TOX3: variants seen among roughly 807,000 people sequenced by gnomAD.
The protein encoded by TOX3 is CAG trinucleotide repeat-containing gene F9 protein.
Under a neutral mutation model 64.3 loss-of-function variants are expected in TOX3, and 22 were observed. The observed-to-expected ratio is 0.34, with a 90% CI of 0.24 to 0.49. TOX3 has a LOEUF of 0.49. Among genes scored for constraint, TOX3 ranks in the 20% least tolerant of loss-of-function variants. The pLI is 0.99. For missense variants in TOX3, 661 were observed against 714.4 expected (o/e 0.93, Z 0.85); for synonymous variants, 291 against 273.6 (o/e 1.06, Z -0.63).
chr16:52,535,764 TC>T (rs1410287925), intron 1 of TOX3, among the ~76,000 whole-genome samples: 1 of 152,182 alleles, frequency 6.6e-6, no homozygotes, highest in Non-Finnish European at 1.5e-5. Flanking sequence ...TTCCCTCAAC[TC>T]CTGTTCTCTC....
chr16:52,490,306 G>T (rs548951019), intron 1 of TOX3, among the ~76,000 whole-genome samples: 231 of 152,180 alleles, frequency 1.5e-3, no homozygotes, highest in Non-Finnish European at 2.4e-3. Context: ...AGGCCTCCCA[G>T]TCATGCTTCC....
chr16:52,546,575 G>T lies in TOX3; in HGVS notation c.87+62C>A, dbSNP rs888833841. 3.4e-6 allele frequency: 5 copies of T among 1,473,584 alleles called. No homozygotes were observed. In the African/African-American group the frequency reaches 4.2e-5, roughly 12 times the overall value. 91.3% of individuals were successfully genotyped at this position (1,473,584 alleles called of 1,614,324 possible). A position where few individuals can be genotyped will look rare whatever the true frequency, so the allele number is the denominator to read the frequency against. On this transcript the variant is annotated intron_variant, in intron 1 of 6. Coordinates refer to ENST00000219746, the MANE Select transcript of TOX3 (RefSeq NM_001080430.4). ...TGCAGCAGGCGGTGAGCCCGAGCGC[G>T]GGGCGCGCCCAGGATGGGGAGGTGG...
At chr16:52,518,400 G>T (rs906516400) in intron 1 of TOX3, among the ~76,000 whole-genome samples, 2 of 152,130 alleles carry the variant, frequency 1.3e-5, no homozygotes, top group Non-Finnish European at 2.9e-5. Flanking sequence ...ACCCATGGGA[G>T]AAATAGATAT....
upstream of TOX3, chr16:52,547,465 G>C (rs1378736763): frequency 6.6e-6 from 1 of 152,102 alleles, no homozygotes; most frequent in African/African-American, 2.4e-5. Flanking sequence ...CCAGCCCTGC[G>C]TCCCGTGTGT....
In TOX3 at chr16:52,438,230, T is replaced by C. The variant is rs1339266314; in HGVS notation, c.*995A>G. 1 of 152,670 alleles carries C rather than the reference T, an allele frequency of 6.6e-6. No individual in the cohort carries two copies. Among genetic ancestry groups the C allele is most frequent in the Non-Finnish European group, 1.5e-5 (1 of 68,036 alleles). The allele number at this position is 152,670 out of a possible 1,614,324, so 9.5% of individuals were successfully genotyped here. On this transcript the variant is annotated 3_prime_UTR_variant, in exon 7 of 7. Coordinates refer to ENST00000219746, the MANE Select transcript of TOX3 (RefSeq NM_001080430.4). ...AAGCAACGTAGCAATGAATGGTTTA[T>C]GTCACCAGTGTTTACGTTAAAGCCT...
chr16:52,533,547 T>C (rs1351657698), intron 1 of TOX3, among the ~76,000 whole-genome samples: 1 of 152,166 alleles, frequency 6.6e-6, no homozygotes, highest in East Asian at 1.9e-4. Context: ...GCAAGCAAGG[T>C]CTCCAGTGAG....
chr16:52,474,313 T>A (rs1357649000), intron 1 of TOX3, among the ~76,000 whole-genome samples: 1 of 152,130 alleles, frequency 6.6e-6, no homozygotes, highest in Non-Finnish European at 1.5e-5. Context: ...AGCCATCCAT[T>A]TCCTCCTGGA....
At chr16:52,534,831 A>T (rs1228516888) in intron 1 of TOX3, among the ~76,000 whole-genome samples, 1 of 152,238 alleles carries the variant, frequency 6.6e-6, no homozygotes, top group African/African-American at 2.4e-5. Context: ...TTTGTTACCA[A>T]GAGTTGGGAC....
At chr16:52,443,505 C>T (rs149869765) in intron 6 of TOX3, among the ~76,000 whole-genome samples, 66 of 152,022 alleles carry the variant, frequency 4.3e-4, no homozygotes, top group African/African-American at 1.4e-3. Flanking sequence ...GCTTTGAGAC[C>T]CTAGGTTGTA....
intron 3 of TOX3, among the ~76,000 whole-genome samples, chr16:52,461,845 G>C: frequency 6.6e-6 from 1 of 152,118 alleles, no homozygotes; most frequent in East Asian, 1.9e-4. Flanking sequence ...TACCCGCAGA[G>C]AGATATAGAA....
At chr16:52,446,719 G>A (rs1296229266) in intron 4 of TOX3, among the ~76,000 whole-genome samples, 1 of 151,738 alleles carries the variant, frequency 6.6e-6, no homozygotes, top group South Asian at 2.1e-4. Flanking sequence ...TTACCAGAAT[G>A]TTACTTTGCT....
chr16:52,528,822 A>G (rs2151483068), intron 1 of TOX3, among the ~76,000 whole-genome samples: 1 of 152,328 alleles, frequency 6.6e-6, no homozygotes, highest in East Asian at 1.9e-4. Flanking sequence ...GGCTGGTTTT[A>G]TAAGAGGTTA....
intron 1 of TOX3, among the ~76,000 whole-genome samples, chr16:52,492,171 TA>T (rs1961704546): frequency 1.3e-5 from 2 of 149,656 alleles, no homozygotes; most frequent in African/African-American, 4.9e-5. Flanking sequence ...GGAAACTTTT[TA>T]ATAGTGCTGT....
At position 52,439,716 on chromosome 16, in the gene TOX3, G is replaced by A; in HGVS notation, c.1240C>T (p.Pro414Ser). Reference sequence around the variant, plus strand: ...GTCGTTCCCATGGAGCTTATCAGTGGAGCCCCAATGTTCGAGGGCATGTTG... The same window carrying A: ...GTCGTTCCCATGGAGCTTATCAGTGAAGCCCCAATGTTCGAGGGCATGTTG... Reference protein sequence around the residue: ...AANMPSNIGAPLISSMGTTMV... With the variant: ...AANMPSNIGASLISSMGTTMV... The change falls in exon 7 of 7, where the codon CCA (proline) becomes TCA (serine). Residue 414 changes from proline to serine, a missense_variant. Physicochemically the swap from Pro to Ser is moderately conservative, Grantham distance 74. Around this residue, in one of 3 missense-constraint regions of TOX3, gnomAD observed 299 missense variants for 292.1 expected, o/e 1.02. Coordinates refer to ENST00000219746, the MANE Select transcript of TOX3 (RefSeq NM_001080430.4). The A allele has an allele frequency of 6.2e-7, 1 of 1,614,028 alleles. No homozygotes were observed. Among genetic ancestry groups the A allele is most frequent in the Non-Finnish European group, 8.5e-7 (1 of 1,179,900 alleles).
At position 52,511,882 on chromosome 16, in the gene TOX3, A is replaced by G. The variant is rs901962095; in HGVS notation, c.87+34755T>C. On this transcript the variant is annotated intron_variant, in intron 1 of 6. Transcript: ENST00000219746. Reference sequence around the variant, plus strand: ...AAGTCATGTTTGCCTTTATAATTTCAAAGAATACTTAAAGCAGTATGGGAA... The same window carrying G: ...AAGTCATGTTTGCCTTTATAATTTCGAAGAATACTTAAAGCAGTATGGGAA... Among the ~76,000 whole-genome samples the G allele has an allele frequency of 3.9e-5, 6 of 152,344 alleles. No homozygotes were observed. The East Asian group carries it at 9.6e-4, about 24-fold the overall frequency.
intron 1 of TOX3, among the ~76,000 whole-genome samples, chr16:52,471,302 T>A (rs1961039660): frequency 6.6e-6 from 1 of 152,174 alleles, no homozygotes; most frequent in African/African-American, 2.4e-5. Context: ...TACCTAGTAA[T>A]GCTAGCTTGA....
chr16:52,459,729 T>A lies in TOX3; in HGVS notation c.408+4205A>T, dbSNP rs531635457. 1.6e-3 allele frequency among the ~76,000 whole-genome samples: 247 copies of A among 152,254 alleles called. 1 individual carries two copies. Among genetic ancestry groups the A allele is most frequent in the African/African-American group, 5.8e-3 (241 of 41,564 alleles). Reference sequence around the variant, plus strand: ...ATGCATTAAACACATTAATGACCCATGAAATAACGGCTTTATCTGTAACAC... The same window carrying A: ...ATGCATTAAACACATTAATGACCCAAGAAATAACGGCTTTATCTGTAACAC... On this transcript the variant is annotated intron_variant, in intron 3 of 6. Coordinates refer to ENST00000219746, the MANE Select transcript of TOX3 (RefSeq NM_001080430.4).
chr16:52,523,730 CT>C (rs923554360), intron 1 of TOX3, among the ~76,000 whole-genome samples: 3 of 151,362 alleles, frequency 2.0e-5, no homozygotes, highest in East Asian at 3.9e-4. Flanking sequence ...ATGAACGAGA[CT>C]TTTTTTTTCA....
chr16:52,505,786 G>A (rs1233620949), intron 1 of TOX3, among the ~76,000 whole-genome samples: 1 of 152,088 alleles, frequency 6.6e-6, no homozygotes, highest in Non-Finnish European at 1.5e-5. Context: ...AGACCAGCCT[G>A]GGCAACATAG....
Sources: allele counts gnomAD v4.1 joint callset (sites outside exome capture counted in the v4.1 genomes callset), GRCh38; gene constraint gnomAD v4.1.1; regional missense constraint gnomAD v4.1.1; transcripts MANE v1.5; gene names NCBI Gene and HGNC (gene_info 2026-07-23, HGNC 2026-07-21).